Variants in LPP observed in about 807,000 individuals in gnomAD.
The protein encoded by LPP is LIM domain containing preferred translocation partner in lipoma.
LPP carries 38 observed loss-of-function variants against 60.4 expected under a neutral mutation model. The ratio of observed to expected loss-of-function variants is 0.63; its 90% confidence interval spans 0.49 to 0.83. LPP has a LOEUF of 0.83. Among genes scored for constraint, LPP ranks in the 40% least tolerant of loss-of-function variants. The pLI is 0.00. For synonymous variants in LPP, 328 were observed against 290.8 expected (o/e 1.13, Z -1.30); for missense variants, 902 against 783.6 (o/e 1.15, Z -1.80).
intron 1 of LPP, among the ~76,000 whole-genome samples, chr3:188,162,455 C>A (rs1718573430): frequency 6.6e-6 from 1 of 152,176 alleles, no homozygotes; most frequent in Non-Finnish European, 1.5e-5. Context: ...TTCACTAGTA[C>A]TAATTAGTAG....
chr3:188,872,844 A>C (rs1768494006), intron 11 of LPP, 81 bp downstream of exon 11: 2 of 1,577,496 alleles, frequency 1.3e-6, no homozygotes, highest in African/African-American at 1.3e-5. Flanking sequence ...AGATGTAGCA[A>C]TTACTAAATC....
intron 2 of LPP, among the ~76,000 whole-genome samples, chr3:188,250,638 C>T (rs760846783): frequency 7.9e-5 from 12 of 152,102 alleles, no homozygotes; most frequent in Admixed American, 6.5e-4. Context: ...CAGCATCCTG[C>T]GTTCTACTGT....
chr3:188,583,099 G>A (rs1434572454), intron 6 of LPP, among the ~76,000 whole-genome samples: 2 of 152,130 alleles, frequency 1.3e-5, no homozygotes, highest in African/African-American at 4.8e-5. Context: ...ACAGTGATTA[G>A]GAAAACAGGC....
At chr3:188,578,382 T>C (rs1835261928) in intron 6 of LPP, among the ~76,000 whole-genome samples, 1 of 152,166 alleles carries the variant, frequency 6.6e-6, no homozygotes, top group African/African-American at 2.4e-5. Flanking sequence ...TATTTTCTTC[T>C]TTCTCCAGAT....
At chr3:188,682,780 C>G (rs1410128940) in intron 7 of LPP, among the ~76,000 whole-genome samples, 2 of 152,158 alleles carry the variant, frequency 1.3e-5, no homozygotes, top group Admixed American at 6.5e-5. Context: ...GGAAGCCAGG[C>G]ACCACATGCA....
chr3:188,345,314 G>A (rs1396800934), intron 3 of LPP, among the ~76,000 whole-genome samples: 1 of 152,132 alleles, frequency 6.6e-6, no homozygotes, highest in Non-Finnish European at 1.5e-5. Flanking sequence ...ATGGCACAGA[G>A]GGTTCCGGCT....
At chr3:188,841,753 A>G (rs1484761010) in intron 9 of LPP, among the ~76,000 whole-genome samples, 1 of 152,172 alleles carries the variant, frequency 6.6e-6, no homozygotes, top group Non-Finnish European at 1.5e-5. Context: ...AAACTTTTCT[A>G]TGTAAGAAAT....
At chr3:188,656,521 A>G (rs1165880976) in intron 7 of LPP, among the ~76,000 whole-genome samples, 2 of 152,182 alleles carry the variant, frequency 1.3e-5, no homozygotes, top group African/African-American at 2.4e-5. Flanking sequence ...ACCAGCAACA[A>G]CCTTTCTGCT....
chr3:188,383,070 A>G (rs542651010), intron 3 of LPP, among the ~76,000 whole-genome samples: 3 of 152,338 alleles, frequency 2.0e-5, no homozygotes, highest in African/African-American at 7.2e-5. Context: ...AACAATGCCT[A>G]TTCAGTGCTC....
rs896869296 is a variant in LPP at position 188,610,578 on chromosome 3, T to C, written c.1113+734T>C. On this transcript the variant is annotated intron_variant, in intron 7 of 11. Transcript: ENST00000617246. This position sits in a 1 kb window ranked among gnomAD's most constrained non-coding sequence, Gnocchi z 4.4. ...AGCCTTTAGCACTATTAAGCAATGT[T>C]TAAAAACTCCTTATGAGTGACAGTT... Among the ~76,000 whole-genome samples the C allele has an allele frequency of 6.6e-6, 1 of 152,242 alleles. No homozygotes were observed. The highest frequency in any genetic ancestry group is 2.4e-5 in the African/African-American group (1 of 41,456).
chr3:188,266,278 T>C (rs976129385), intron 2 of LPP, among the ~76,000 whole-genome samples: 6 of 152,156 alleles, frequency 3.9e-5, no homozygotes, highest in African/African-American at 7.2e-5. Flanking sequence ...TAATACAGAA[T>C]TATTTTGACA....
intron 3 of LPP, among the ~76,000 whole-genome samples, chr3:188,347,739 A>T (rs1372657920): frequency 2.0e-5 from 3 of 152,248 alleles, no homozygotes; most frequent in Non-Finnish European, 2.9e-5. Context: ...GCTAAAGCTT[A>T]GCACCTGATG....
At chr3:188,193,357 G>A (rs140384886) in intron 1 of LPP, among the ~76,000 whole-genome samples, 30 of 152,238 alleles carry the variant, frequency 2.0e-4, no homozygotes, top group South Asian at 8.3e-4. Flanking sequence ...CAGCTCTGTC[G>A]CTGTCTAGAT....
intron 9 of LPP, among the ~76,000 whole-genome samples, chr3:188,761,090 CTTTG>C (rs2150498526): frequency 6.6e-6 from 1 of 152,186 alleles, no homozygotes; most frequent in Admixed American, 6.5e-5. Flanking sequence ...TGATTTTAAT[CTTTG>C]TTTAACACAT....
At chr3:188,160,021 T>C (rs1273178215) in intron 1 of LPP, among the ~76,000 whole-genome samples, 2 of 152,174 alleles carry the variant, frequency 1.3e-5, no homozygotes, top group African/African-American at 4.8e-5. Context: ...CAAGTGATTC[T>C]CCTGCCTCAG....
Position 188,182,203 on chromosome 3 carries a change from C to A in LPP, c.-190+27951C>A, listed in dbSNP as rs1725213678. Among the ~76,000 whole-genome samples the A allele has an allele frequency of 1.3e-5, 2 of 152,310 alleles. No homozygotes were observed. Among genetic ancestry groups the A allele is most frequent in the Middle Eastern group, 6.8e-3 (2 of 294 alleles). On this transcript the variant is annotated intron_variant, in intron 1 of 11. Coordinates refer to ENST00000617246, the MANE Select transcript of LPP (RefSeq NM_001375462.1). The surrounding 1 kb of genome is among the most constrained non-coding windows in gnomAD (Gnocchi z 4.4). ...GCTGCAAGTTTATCCCTTCACAATG[C>A]CTACATTTAGATTGCAACTCCAGGC...
chr3:188,189,141 A>T (rs937447025), intron 1 of LPP, among the ~76,000 whole-genome samples: 2 of 152,226 alleles, frequency 1.3e-5, no homozygotes, highest in Non-Finnish European at 2.9e-5. Context: ...GCTGGAATGC[A>T]CTGGCATGAC....
intron 2 of LPP, among the ~76,000 whole-genome samples, chr3:188,312,100 A>G (rs956087002): frequency 6.6e-6 from 1 of 152,198 alleles, no homozygotes; most frequent in Non-Finnish European, 1.5e-5. Flanking sequence ...TTCTTTATAT[A>G]TCCTTTTAGA....
At chr3:188,792,445 A>T (rs1243410340) in intron 9 of LPP, among the ~76,000 whole-genome samples, 2 of 152,098 alleles carry the variant, frequency 1.3e-5, no homozygotes, top group Non-Finnish European at 2.9e-5. Flanking sequence ...CAACAATCCA[A>T]ATCCTACCTT....
Sources: gnomAD v4.1 joint callset for allele counts (sites outside exome capture counted in the v4.1 genomes callset) on GRCh38, gnomAD v4.1.1 for gene constraint, Gnocchi (gnomAD v3.1) non-coding constraint, MANE v1.5 for transcripts, NCBI Gene and HGNC (gene_info 2026-07-23, HGNC 2026-07-21) for gene names.